Variants in MAML2 observed in about 807,000 individuals in gnomAD.
MAML2 encodes the protein mastermind-like protein 2.
Under a neutral mutation model 96.1 loss-of-function variants are expected in MAML2, and 22 were observed. The ratio of observed to expected loss-of-function variants is 0.23; its 90% CI spans 0.16 to 0.33. MAML2 has a LOEUF of 0.33. MAML2 is among the 10% of genes least tolerant of loss of function. The pLI is 1.00. For synonymous variants in MAML2, 561 were observed against 521.3 expected, an observed-to-expected ratio of 1.08 and a Z score of -1.04; for missense variants, 1,367 against 1,392.4, an observed-to-expected ratio of 0.98 and a Z score of 0.29.
chr11:96,258,472 G>A (rs1178814135), intron 1 of MAML2, among the ~76,000 whole-genome samples: 1 of 152,212 alleles, frequency 6.6e-6, no homozygotes, highest in South Asian at 2.1e-4. Context: ...GTTATCCACT[G>A]CCCTGGCACA....
chr11:95,993,108 C>A (rs960545431), intron 2 of MAML2, among the ~76,000 whole-genome samples: 11 of 151,358 alleles, frequency 7.3e-5, no homozygotes, highest in Admixed American at 6.6e-4. Context: ...CGGGGTCTTA[C>A]TATGTTGCCC....
intron 2 of MAML2, among the ~76,000 whole-genome samples, chr11:96,078,662 A>G (rs1859484645): frequency 6.6e-6 from 1 of 152,210 alleles, no homozygotes; most frequent in African/African-American, 2.4e-5. Flanking sequence ...GTTCTAGTCT[A>G]TGCAACTTCC....
chr11:96,004,831 T>A (rs1252462246), intron 2 of MAML2, among the ~76,000 whole-genome samples: 1 of 152,028 alleles, frequency 6.6e-6, no homozygotes, highest in Admixed American at 6.5e-5. Context: ...CTATGAGGTG[T>A]TTGCTATGGT....
At chr11:95,986,752 T>C (rs1007965827) in intron 3 of MAML2, among the ~76,000 whole-genome samples, 1 of 152,158 alleles carries the variant, frequency 6.6e-6, no homozygotes, top group Non-Finnish European at 1.5e-5. Flanking sequence ...TCAGGCTCTT[T>C]CCTGACACAC....
Position 96,055,431 on chromosome 11 carries a change from G to A in MAML2, c.2139+36461C>T, listed in dbSNP as rs369435701. ...TCTAAGAGAGGAAAGAGGCAGGGGG[G>A]AAAAAAAAGAGCCAGCTACTCCAAG... On this transcript the variant is annotated intron_variant, in intron 2 of 4. Coordinates refer to ENST00000524717, the MANE Select transcript of MAML2 (RefSeq NM_032427.4). 6.3e-3 allele frequency among the ~76,000 whole-genome samples: 960 copies of A among 151,650 alleles called. 13 individuals carry two copies. The highest frequency in any genetic ancestry group is 0.022 in the African/African-American group (907 of 41,406).
intron 1 of MAML2, among the ~76,000 whole-genome samples, chr11:96,121,950 CTT>C (rs71040130): frequency 1.8e-5 from 1 of 56,850 alleles, no homozygotes; most frequent in Non-Finnish European, 3.0e-5. Flanking sequence ...CCACGCCCGG[CTT>C]TTTTTTTTTT....
chr11:96,262,467 C>CTTTTTTTTTTTTTTTTTTTTT (rs200340735), intron 1 of MAML2, among the ~76,000 whole-genome samples: 1 of 147,826 alleles, frequency 6.8e-6, no homozygotes, highest in Non-Finnish European at 1.5e-5. Flanking sequence ...AAAATTTAAT[C>CTTTTTTTTTTTTTTTTTTTTT]TTTTTTTTTT....
At chr11:96,340,673 GA>G in intron 1 of MAML2, among the ~76,000 whole-genome samples, 1 of 152,312 alleles carries the variant, frequency 6.6e-6, no homozygotes, top group Admixed American at 6.5e-5. Context: ...TCTGCTTAAC[GA>G]ATGCTCTAAG....
At chr11:96,167,804 A>C (rs1861217491) in intron 1 of MAML2, among the ~76,000 whole-genome samples, 1 of 152,222 alleles carries the variant, frequency 6.6e-6, no homozygotes, top group African/African-American at 2.4e-5. Context: ...AAAGAGACAG[A>C]AATCCTGTTC....
chr11:96,272,309 T>C (rs538963044), intron 1 of MAML2, among the ~76,000 whole-genome samples: 8 of 152,314 alleles, frequency 5.3e-5, no homozygotes, highest in South Asian at 2.1e-4. Context: ...GTAGATAACA[T>C]TTAAATATGC....
chr11:96,012,023 C>T (rs1463744157), intron 2 of MAML2, among the ~76,000 whole-genome samples: 5 of 152,096 alleles, frequency 3.3e-5, no homozygotes, highest in Non-Finnish European at 7.4e-5. Context: ...CTTTTATTTA[C>T]GTCTTTTAGA....
chr11:96,031,515 G>C (rs1216618739), intron 2 of MAML2, among the ~76,000 whole-genome samples: 1 of 152,132 alleles, frequency 6.6e-6, no homozygotes, highest in Non-Finnish European at 1.5e-5. Context: ...CCTTAACATA[G>C]TTCATGACCC....
At chr11:96,069,892 G>A (rs1240823340) in intron 2 of MAML2, among the ~76,000 whole-genome samples, 2 of 151,476 alleles carry the variant, frequency 1.3e-5, no homozygotes, top group African/African-American at 2.4e-5. Context: ...GTGTGGTGGT[G>A]CGTGCCTGTA....
chr11:96,126,837 A>T (rs2135851749), intron 1 of MAML2, among the ~76,000 whole-genome samples: 1 of 152,348 alleles, frequency 6.6e-6, no homozygotes, highest in South Asian at 2.1e-4. Context: ...GGCCCTTAGG[A>T]TATAGTGGTG....
chr11:96,212,633 C>G (rs1248698801), intron 1 of MAML2, among the ~76,000 whole-genome samples: 1 of 152,144 alleles, frequency 6.6e-6, no homozygotes, highest in Non-Finnish European at 1.5e-5. Flanking sequence ...TGTCACCACC[C>G]TTTCACAATC....
chr11:96,203,759 G>A (rs1861858424), intron 1 of MAML2, among the ~76,000 whole-genome samples: 1 of 152,200 alleles, frequency 6.6e-6, no homozygotes, highest in Non-Finnish European at 1.5e-5. Context: ...GTGAATCAGT[G>A]CAGGTCAGCC....
At chr11:96,282,265 T>C (rs147075562) in intron 1 of MAML2, among the ~76,000 whole-genome samples, 1 of 147,246 alleles carries the variant, frequency 6.8e-6, no homozygotes, top group Non-Finnish European at 1.5e-5. Context: ...AAAATAATAA[T>C]AATAATAATA....
chr11:96,012,417 A>G (rs1214238667), intron 2 of MAML2, among the ~76,000 whole-genome samples: 1 of 152,212 alleles, frequency 6.6e-6, no homozygotes, highest in East Asian at 1.9e-4. Context: ...GCAGCCTCCT[A>G]CAGAGGCAGT....
intron 1 of MAML2, among the ~76,000 whole-genome samples, chr11:96,118,423 T>C (rs776935622): frequency 2.3e-4 from 35 of 152,346 alleles, no homozygotes; most frequent in South Asian, 1.0e-3. Flanking sequence ...TCTACTGCCA[T>C]GAAAGACGTG....
Sources: gnomAD v4.1 joint callset for allele counts (sites outside exome capture counted in the v4.1 genomes callset) on GRCh38, gnomAD v4.1.1 for gene constraint, MANE v1.5 for transcripts, NCBI Gene and HGNC (gene_info 2026-07-23, HGNC 2026-07-21) for gene names.